The following ASCC3 variants were observed in gnomAD, a reference collection of about 807,000 sequenced individuals.
ASCC3 encodes the protein ASC-1 complex subunit P200.
ASCC3 carries 158 observed loss-of-function variants against 256.3 expected under a neutral mutation model. That is an observed-to-expected ratio of 0.62 (90% CI 0.54 to 0.70). The LOEUF (loss-of-function observed/expected upper bound fraction) is 0.70, where lower values mean the gene tolerates loss of function less well. Ranked by LOEUF, ASCC3 falls within the 30% of genes least tolerant of loss-of-function variation. The probability of loss-of-function intolerance (pLI) is 0.00; values close to 1 mark genes in which losing one functional copy is unlikely to be tolerated. For synonymous variants in ASCC3, 948 were observed against 883.4 expected, an observed-to-expected ratio of 1.07 and a Z score of -1.30; for missense variants, 2,259 against 2,626.0, an observed-to-expected ratio of 0.86 and a Z score of 3.05.
In ASCC3 at chr6:100,661,857, G is replaced by A; in HGVS notation, c.2652C>T (p.Asn884=). The change falls in exon 16 of 42, where the codon AAC becomes AAT. Residue 884 remains asparagine, a synonymous_variant. Transcript: ENST00000369162. ...TTTCCAGAAACTGACTCTCAATTGG[G>A]TTTCGTTGAGTGAGCAAAGTGAGGT... is the stretch of plus-strand genomic sequence containing the variant. ...SHYLTLLTQR[N]PIESQFLESL... The A allele has an allele frequency of 6.2e-7, 1 of 1,613,264 alleles. No individual in the cohort carries two copies. Among genetic ancestry groups the A allele is most frequent in the African/African-American group, 1.3e-5 (1 of 74,948 alleles).
chr6:100,696,886 A>G (rs941022845), intron 13 of ASCC3, among the ~76,000 whole-genome samples: 3 of 152,104 alleles, frequency 2.0e-5, no homozygotes, highest in African/African-American at 7.2e-5. Flanking sequence ...TGACAATTAT[A>G]TATGTGTATA....
intron 36 of ASCC3, among the ~76,000 whole-genome samples, chr6:100,558,811 C>T (rs1769767212): frequency 6.6e-6 from 1 of 152,116 alleles, no homozygotes; most frequent in South Asian, 2.1e-4. Context: ...TGCTTTCATT[C>T]CATATTATGT....
At chr6:100,600,529 T>C (rs984707441) in intron 34 of ASCC3, among the ~76,000 whole-genome samples, 9 of 152,150 alleles carry the variant, frequency 5.9e-5, no homozygotes, top group Non-Finnish European at 1.2e-4. Context: ...TGGAGGGAAC[T>C]GGGCAAAATG....
chr6:100,827,619 G>C (rs890686054), intron 4 of ASCC3, among the ~76,000 whole-genome samples: 12 of 152,020 alleles, frequency 7.9e-5, no homozygotes, highest in Non-Finnish European at 1.6e-4. Context: ...TGGCAATTAA[G>C]TCTTTTTTTA....
chr6:100,516,104 T>C, intron 39 of ASCC3, 76 bp downstream of exon 39: 1 of 1,586,790 alleles, frequency 6.3e-7, no homozygotes. Flanking sequence ...CCAAAATCCA[T>C]GCTCTAAGTT....
intron 13 of ASCC3, among the ~76,000 whole-genome samples, chr6:100,687,026 T>TCACACACA (rs1489836127): frequency 1.8e-4 from 13 of 73,162 alleles, no homozygotes; most frequent in Non-Finnish European, 3.3e-4. Flanking sequence ...TCTCTCTCTC[T>TCACACACA]CTCTCTCTCA....
At chr6:100,786,054 G>A (rs914975846) in intron 8 of ASCC3, among the ~76,000 whole-genome samples, 1 of 152,126 alleles carries the variant, frequency 6.6e-6, no homozygotes, top group East Asian at 1.9e-4. Flanking sequence ...AAAGCTGAAT[G>A]TTTAGGAAGA....
chr6:100,689,435 C>T (rs1448115277), intron 13 of ASCC3, among the ~76,000 whole-genome samples: 1 of 152,150 alleles, frequency 6.6e-6, no homozygotes, highest in Non-Finnish European at 1.5e-5. Flanking sequence ...CTCAGATTTG[C>T]CATTTCAAAG....
At chr6:100,554,740 G>T (rs1252278018) in intron 36 of ASCC3, among the ~76,000 whole-genome samples, 4 of 151,914 alleles carry the variant, frequency 2.6e-5, no homozygotes, top group Admixed American at 2.6e-4. Context: ...TAAATTAATT[G>T]GGTATTCTGT....
At chr6:100,643,481 T>C (rs1775227988) in intron 23 of ASCC3, among the ~76,000 whole-genome samples, 1 of 152,172 alleles carries the variant, frequency 6.6e-6, no homozygotes, top group Non-Finnish European at 1.5e-5. Flanking sequence ...TATCCAGTCA[T>C]GCATTGCTTA....
chr6:100,607,103 A>G lies in ASCC3; in HGVS notation c.4786-15T>C. ...ATGTTCTCCATCTGCAAGTAAAAACAAAATTACAAGATGTAGATGCATAAC... is the reference window on the plus strand; with the variant it reads ...ATGTTCTCCATCTGCAAGTAAAAACGAAATTACAAGATGTAGATGCATAAC... On this transcript the variant is annotated splice_polypyrimidine_tract_variant and intron_variant, in intron 30 of 41. Coordinates refer to ENST00000369162, the MANE Select transcript of ASCC3 (RefSeq NM_006828.4). The G allele has an allele frequency of 6.2e-7, 1 of 1,612,844 alleles. No homozygotes were observed. The highest frequency in any genetic ancestry group is 8.5e-7 in the Non-Finnish European group (1 of 1,179,170).
At chr6:100,836,388 T>C (rs945069565) in intron 4 of ASCC3, among the ~76,000 whole-genome samples, 2 of 152,136 alleles carry the variant, frequency 1.3e-5, no homozygotes, top group East Asian at 3.8e-4. Context: ...AGGTTTGTCA[T>C]ATATTAGCTA....
In ASCC3 at chr6:100,517,992, T is replaced by C. The variant is rs1379822207; in HGVS notation, c.5926A>G (p.Lys1976Glu). Residue 1976 changes from lysine (K) to glutamate (E), a missense_variant and splice_region_variant, in exon 38 of 42, where the codon AAG (lysine) becomes GAG (glutamate). Around this residue, in one of 2 missense-constraint regions of ASCC3, gnomAD observed 1,839 missense variants for 2,206.7 expected, o/e 0.83. Coordinates refer to ENST00000369162, the MANE Select transcript of ASCC3 (RefSeq NM_006828.4). ...NIENHHLHLF[K>E]KWKPIMKGPH... ...TACATTGAAAAGTAAAACAATTACT[T>C]GAAAAGGTGAAGATGATGGTTTTCT... The C allele has an allele frequency of 6.2e-7, 1 of 1,613,094 alleles. No homozygotes were observed. Among genetic ancestry groups the C allele is most frequent in the South Asian group, 1.1e-5 (1 of 91,026 alleles).
chr6:100,798,564 C>T, intron 8 of ASCC3, 149 bp downstream of exon 8: 1 of 1,131,504 alleles, frequency 8.8e-7, no homozygotes, highest in Non-Finnish European at 1.3e-6. Context: ...TTTTTAAACT[C>T]TCCTACTGTA....
At chr6:100,589,125 T>A (rs1374015616) in intron 36 of ASCC3, among the ~76,000 whole-genome samples, 1 of 152,112 alleles carries the variant, frequency 6.6e-6, no homozygotes, top group African/African-American at 2.4e-5. Flanking sequence ...ACAGTATAGT[T>A]TTTTACCATG....
chr6:100,653,602 C>G (rs1289805613), intron 17 of ASCC3, among the ~76,000 whole-genome samples: 1 of 151,170 alleles, frequency 6.6e-6, no homozygotes, highest in Non-Finnish European at 1.5e-5. Context: ...CATGCCACTG[C>G]ACTCCAACCT....
intron 30 of ASCC3, among the ~76,000 whole-genome samples, chr6:100,619,631 A>G (rs547886797): frequency 5.3e-4 from 80 of 152,322 alleles, no homozygotes; most frequent in African/African-American, 1.8e-3. Context: ...GAGAAAATGA[A>G]TCATAAATAT....
In ASCC3 at chr6:100,563,862, A is replaced by T. The variant is rs531026909; in HGVS notation, c.5551-23475T>A. On this transcript the variant is annotated intron_variant, in intron 36 of 41. Coordinates refer to ENST00000369162, the MANE Select transcript of ASCC3 (RefSeq NM_006828.4). ...ATATTAAAATATTATTACTAATGAA[A>T]GCTAGCAACAGCAGATATCATATGG... Among the ~76,000 whole-genome samples the T allele has an allele frequency of 2.0e-5, 3 of 152,260 alleles. No individual in the cohort carries two copies. In the South Asian group the frequency reaches 6.2e-4, roughly 32 times the overall value.
At chr6:100,736,227 T>C (rs181723346) in intron 10 of ASCC3, among the ~76,000 whole-genome samples, 426 of 152,312 alleles carry the variant, frequency 2.8e-3, no homozygotes, top group Middle Eastern at 0.01. Flanking sequence ...TAAGCTCTAC[T>C]ATGTAGCTAT....
Sources: gnomAD v4.1 joint callset for allele counts (sites outside exome capture counted in the v4.1 genomes callset) on GRCh38, gnomAD v4.1.1 for gene constraint, gnomAD v4.1.1 regional missense constraint, MANE v1.5 for transcripts, NCBI Gene and HGNC (gene_info 2026-07-23, HGNC 2026-07-21) for gene names.